Variants in EPHA10 observed in about 807,000 individuals in gnomAD.
EPHA10 encodes EPH receptor A10, also known as ephrin type-A receptor 10.
Under a neutral mutation model 109.7 loss-of-function variants are expected in EPHA10, and 120 were observed. That is an observed-to-expected ratio of 1.09 (90% CI 0.94 to 1.27). The LOEUF (loss-of-function observed/expected upper bound fraction) is 1.27, where lower values mean the gene tolerates loss of function less well. EPHA10 is among the 50% of genes most tolerant of loss of function. The pLI is 0.00. For synonymous variants in EPHA10, 640 were observed against 618.9 expected (o/e 1.03, Z -0.51); for missense variants, 1,396 against 1,411.1 (o/e 0.99, Z 0.17).
chr1:37,760,124 C>T (rs1646419158), intron 3 of EPHA10: 1 of 270,550 alleles, frequency 3.7e-6, no homozygotes, highest in African/African-American at 2.3e-5. Flanking sequence ...TGTCCTCCCA[C>T]CACTCTGTGT....
At chr1:37,756,966 A>G (rs1449025394) in intron 3 of EPHA10, among the ~76,000 whole-genome samples, 1 of 152,026 alleles carries the variant, frequency 6.6e-6, no homozygotes, top group East Asian at 1.9e-4. Context: ...AGCTGGAACC[A>G]CAGGCATGCT....
rs942775977 is a variant in EPHA10 at position 37,754,317 on chromosome 1, A to T, written c.904T>A (p.Cys302Ser). The T allele has an allele frequency of 1.5e-6, 2 of 1,322,282 alleles. No homozygotes were observed. The highest frequency in any genetic ancestry group is 1.9e-6 in the Non-Finnish European group (2 of 1,030,460). The allele number at this position is 1,322,282 out of a possible 1,614,324, so 81.9% of individuals were successfully genotyped here. Reference protein sequence around the residue: ...VSPRRPLCSPCPEHSRALENA... With the variant: ...VSPRRPLCSPSPEHSRALENA... The stretch of plus-strand genomic sequence containing the variant: ...TCCAGGGCCCGGCTGTGCTCTGGGC[A>T]CGGTGAGCAGAGGGGCCGCCGCGGG... The change falls in exon 4 of 17, where the codon TGC becomes AGC. Residue 302 changes from cysteine (C) to serine (S), a missense_variant. Cys to Ser is a moderately radical substitution (Grantham distance 112). Transcript: ENST00000373048. The surrounding 1 kb of genome is among the most constrained non-coding windows in gnomAD (Gnocchi z 4.5).
chr1:37,730,250 C>A (rs1374184520), intron 7 of EPHA10, among the ~76,000 whole-genome samples: 3 of 152,160 alleles, frequency 2.0e-5, no homozygotes, highest in African/African-American at 4.8e-5. Context: ...GAACTCAGAC[C>A]CCTTCAGCAT....
chr1:37,734,325 G>C (rs11264095), intron 6 of EPHA10, among the ~76,000 whole-genome samples: 25,475 of 152,076 alleles, frequency 0.17, 2,325 homozygotes, highest in South Asian at 0.23. Context: ...CCTGAGGTCA[G>C]GAGATATAGA....
intron 13 of EPHA10, 123 bp from the exon 14 acceptor site, chr1:37,720,181 C>A: frequency 1.4e-6 from 2 of 1,437,766 alleles, no homozygotes; most frequent in Non-Finnish European, 1.9e-6. Flanking sequence ...TCCAGCTTCA[C>A]ATCTGGGAAA....
At chr1:37,747,318 A>G (rs767415820) in intron 5 of EPHA10, among the ~76,000 whole-genome samples, 1 of 152,168 alleles carries the variant, frequency 6.6e-6, no homozygotes, top group Non-Finnish European at 1.5e-5. Flanking sequence ...TGGGAGGCCA[A>G]GGCAGGTAGA....
Position 37,753,217 on chromosome 1 carries a change from G to A in EPHA10, c.1016C>T (p.Ser339Leu). The A allele has an allele frequency of 6.0e-6, 8 of 1,326,708 alleles. No homozygotes were observed. Among genetic ancestry groups the A allele is most frequent in the Non-Finnish European group, 6.7e-6 (7 of 1,042,416 alleles). The allele number at this position is 1,326,708 out of a possible 1,614,324, so 82.2% of individuals were successfully genotyped here. ...PPSASCTRPP[S>L]APRDLQYSLS... ...GCTGTACTGCAGGTCCCGCGGCGCC[G>A]ACGGCGGCCCTGAGGCGGCACAGGG... The change falls in exon 5 of 17, where the codon TCG becomes TTG. Residue 339 changes from serine (S) to leucine (L), a missense_variant. Physicochemically the swap from Ser to Leu is moderately radical, Grantham distance 145. Transcript: ENST00000373048.
rs1490429639 is a variant in EPHA10 at position 37,765,003 on chromosome 1, C to A, written c.64G>T (p.Ala22Ser). The change falls in exon 1 of 17, where the codon GCG becomes TCG. Residue 22 changes from alanine to serine, a missense_variant. Transcript: ENST00000373048. Reference protein sequence around the residue: ...LFLCRMQLCLALLLGPWRPGT... With the variant: ...LFLCRMQLCLSLLLGPWRPGT... ...GGCCGCCAGGGTCCCAAAAGCAGCG[C>A]GAGACAGAGCTGCATCCGGCAGAGG... The A allele has an allele frequency of 8.7e-6, 14 of 1,611,128 alleles. No homozygotes were observed. Among genetic ancestry groups the A allele is most frequent in the Non-Finnish European group, 1.2e-5 (14 of 1,179,372 alleles).
Position 37,764,862 on chromosome 1 carries a change from C to T in EPHA10, c.106+99G>A. On this transcript the variant is annotated intron_variant, in intron 1 of 16. Coordinates refer to ENST00000373048, the MANE Select transcript of EPHA10 (RefSeq NM_001099439.2). The surrounding 1 kb of genome is among the most constrained non-coding windows in gnomAD (Gnocchi z 5.8). ...TGCTTGCTTCAAGCCCCAATACAGA[C>T]TCTAGTCTCTCCAATGACTCCTTCC... The T allele has an allele frequency of 9.3e-7, 1 of 1,074,506 alleles. No individual in the cohort carries two copies. 66.6% of individuals were successfully genotyped at this position (1,074,506 alleles called of 1,614,324 possible).
chr1:37,719,894 C>T lies in EPHA10; in HGVS notation c.2562+15G>A. The T allele has an allele frequency of 1.9e-6, 3 of 1,613,900 alleles. No individual in the cohort carries two copies. The highest frequency in any genetic ancestry group is 2.5e-6 in the Non-Finnish European group (3 of 1,180,024). ...AGGGTCAGAAGGCATGCAGCTGGAG[C>T]CACGGGTTACTCACGTCTTGGCCAG... On this transcript the variant is annotated intron_variant, in intron 14 of 16. Transcript: ENST00000373048.
At chr1:37,744,492 C>A (rs1171042981) in intron 5 of EPHA10, among the ~76,000 whole-genome samples, 1 of 150,986 alleles carries the variant, frequency 6.6e-6, no homozygotes, top group Non-Finnish European at 1.5e-5. Flanking sequence ...TGCACTCCAG[C>A]CCATCTAAAA....
At chr1:37,727,060 A>T in intron 8 of EPHA10, 42 bp downstream of exon 8, 2 of 1,520,570 alleles carry the variant, frequency 1.3e-6, no homozygotes, top group South Asian at 1.2e-5. Context: ...TGCACGGGAC[A>T]TGACCCACCA....
intron 5 of EPHA10, among the ~76,000 whole-genome samples, chr1:37,752,375 G>A (rs539970126): frequency 2.0e-5 from 3 of 152,296 alleles, no homozygotes; most frequent in Admixed American, 1.3e-4. Context: ...TGCAGAGGCC[G>A]AGGGTTGGAG....
chr1:37,727,723 CTG>C (rs1645918125), intron 7 of EPHA10, among the ~76,000 whole-genome samples: 1 of 152,222 alleles, frequency 6.6e-6, no homozygotes, highest in Non-Finnish European at 1.5e-5. Context: ...GCTGAGGAAA[CTG>C]AGGTTGAGAA....
chr1:37,723,215 G>A (rs1325872746), intron 9 of EPHA10, 49 bp from the exon 10 acceptor site: 1 of 1,605,248 alleles, frequency 6.2e-7, no homozygotes, highest in Non-Finnish European at 8.5e-7. Flanking sequence ...CACCACTGGG[G>A]CTGACAAGCG....
intron 4 of EPHA10, among the ~76,000 whole-genome samples, 178 bp from the exon 5 acceptor site, chr1:37,753,404 G>T (rs931038562): frequency 1.3e-5 from 2 of 151,964 alleles, no homozygotes; most frequent in Non-Finnish European, 2.9e-5. Flanking sequence ...TGGTGGATGA[G>T]GGGGGACGGG....
Position 37,761,446 on chromosome 1 carries a change from C to G in EPHA10, c.809G>C (p.Ser270Thr). The G allele has an allele frequency of 6.3e-7, 1 of 1,599,718 alleles. No homozygotes were observed. Among genetic ancestry groups the G allele is most frequent in the Non-Finnish European group, 8.5e-7 (1 of 1,179,692 alleles). ...GEWLVPVGRC[S>T]CSAGFQERGD... is the part of the protein sequence containing the mutation. Reference sequence around the variant, plus strand: ...ACGCTCCTGGAATCCCGCGCTGCAGCTGCAGCGGCCCACAGGCACCAGCCA... The same window carrying G: ...ACGCTCCTGGAATCCCGCGCTGCAGGTGCAGCGGCCCACAGGCACCAGCCA... Residue 270 changes from serine to threonine, a missense_variant, in exon 3 of 17, where the codon AGC becomes ACC. Transcript: ENST00000373048.
chr1:37,723,717 G>A (rs1005443530), intron 8 of EPHA10, among the ~76,000 whole-genome samples: 1 of 152,360 alleles, frequency 6.6e-6, no homozygotes, highest in Non-Finnish European at 1.5e-5. Context: ...TAAGGCAAGC[G>A]GATCCAGCAC....
intron 3 of EPHA10, 87 bp downstream of exon 3, chr1:37,761,318 C>A: frequency 6.4e-7 from 1 of 1,556,284 alleles, no homozygotes; most frequent in Non-Finnish European, 8.6e-7. Context: ...CGACCCCACA[C>A]CCGCCTCTTT....
Sources: allele counts gnomAD v4.1 joint callset (sites outside exome capture counted in the v4.1 genomes callset), GRCh38; gene constraint gnomAD v4.1.1; non-coding constraint Gnocchi (gnomAD v3.1); transcripts MANE v1.5; gene names NCBI Gene and HGNC (gene_info 2026-07-23, HGNC 2026-07-21).